Variants in TRIM34 observed in about 807,000 individuals in gnomAD.
TRIM34 encodes E3 ubiquitin-protein ligase TRIM34.
TRIM34 carries 41 observed loss-of-function variants against 38.1 expected under a neutral mutation model. That is an observed-to-expected ratio of 1.08 (90% CI 0.84 to 1.40). The LOEUF is 1.40. TRIM34 is among the 40% of genes most tolerant of loss of function. The probability of loss-of-function intolerance (pLI) is 0.00; values close to 1 mark genes in which losing one functional copy is unlikely to be tolerated. For synonymous variants in TRIM34, 200 were observed against 202.5 expected, an observed-to-expected ratio of 0.99 and a Z score of 0.10; for missense variants, 556 against 571.4, an observed-to-expected ratio of 0.97 and a Z score of 0.27.
intron 3 of TRIM34, 77 bp downstream of exon 3, chr11:5,633,976 A>G (rs532609450): frequency 1.4e-6 from 2 of 1,468,292 alleles, no homozygotes; most frequent in Non-Finnish European, 1.9e-6. Context: ...CGTCCTTTTT[A>G]TTCCTTGACA....
At chr11:5,627,570 T>C (rs1480899701) in intron 1 of TRIM34, among the ~76,000 whole-genome samples, 1 of 152,206 alleles carries the variant, frequency 6.6e-6, no homozygotes. Context: ...ATGAAAATGA[T>C]TCTATGTTAA....
chr11:5,628,446 A>T (rs143230462), intron 1 of TRIM34, among the ~76,000 whole-genome samples: 133 of 152,274 alleles, frequency 8.7e-4, no homozygotes, highest in African/African-American at 2.6e-3. Flanking sequence ...CTACCAGTAT[A>T]TCTCTTTTGT....
chr11:5,629,783 C>T (rs1388909515), intron 1 of TRIM34, among the ~76,000 whole-genome samples: 1 of 152,206 alleles, frequency 6.6e-6, no homozygotes, highest in African/African-American at 2.4e-5. Flanking sequence ...TCTCGGCTCA[C>T]TGGAAGCTCT....
intron 1 of TRIM34, among the ~76,000 whole-genome samples, chr11:5,625,471 A>AGTT (rs1209255251): frequency 2.0e-5 from 3 of 152,054 alleles, no homozygotes; most frequent in South Asian, 2.1e-4. Flanking sequence ...TGGTGAAAGG[A>AGTT]GGTCTCTGTT....
intron 4 of TRIM34, among the ~76,000 whole-genome samples, chr11:5,635,766 A>T (rs1361258732): frequency 6.6e-6 from 1 of 152,114 alleles, no homozygotes; most frequent in Admixed American, 6.5e-5. Flanking sequence ...AGCTTTTTTT[A>T]AATTCCTTTT....
chr11:5,629,547 C>T (rs865895978), intron 1 of TRIM34, among the ~76,000 whole-genome samples: 1 of 152,148 alleles, frequency 6.6e-6, no homozygotes, highest in Admixed American at 6.5e-5. Flanking sequence ...TATCATCATG[C>T]CACTACTCTG....
chr11:5,622,296 T>A (rs1849015656), upstream of TRIM34, among the ~76,000 whole-genome samples: 1 of 151,912 alleles, frequency 6.6e-6, no homozygotes, highest in African/African-American at 2.4e-5. Context: ...ATACAAAAAA[T>A]TAGCCGGGCG....
intron 1 of TRIM34, among the ~76,000 whole-genome samples, chr11:5,631,332 T>C (rs968880330): frequency 2.6e-5 from 4 of 152,238 alleles, no homozygotes; most frequent in Admixed American, 6.5e-5. Flanking sequence ...TTTCTTTGTT[T>C]AAATAAGTGG....
At chr11:5,639,142 A>C (rs1452940724) in intron 4 of TRIM34, among the ~76,000 whole-genome samples, 1 of 152,130 alleles carries the variant, frequency 6.6e-6, no homozygotes, top group Non-Finnish European at 1.5e-5. Context: ...AAACCCAGGC[A>C]GGGTCTTTAA....
In TRIM34 at chr11:5,643,577, A is replaced by G; in HGVS notation, c.1335A>G (p.Ser445=). 6.2e-7 allele frequency: 1 copy of G among 1,613,928 alleles called. No homozygotes were observed. Among genetic ancestry groups the G allele is most frequent in the Non-Finnish European group, 8.5e-7 (1 of 1,179,968 alleles). The change falls in exon 8 of 8, where the codon TCA becomes TCG. Residue 445 remains serine, a synonymous_variant. Coordinates refer to ENST00000429814, the MANE Select transcript of TRIM34 (RefSeq NM_021616.6). The part of the protein sequence containing the change: ...VFLDYEAGIV[S]FFNVTSHGSL... The stretch of plus-strand genomic sequence containing the variant: ...TCGACTATGAAGCAGGCATTGTCTC[A>G]TTTTTCAATGTCACAAGCCATGGCT...
At chr11:5,641,977 C>T (rs746694885) in intron 5 of TRIM34, among the ~76,000 whole-genome samples, 20 of 152,292 alleles carry the variant, frequency 1.3e-4, no homozygotes, top group Admixed American at 5.9e-4. Context: ...AGCCCCGTAT[C>T]ACAGTCAGGA....
Position 5,633,800 on chromosome 11 carries a change from A to G in TRIM34, c.424-4A>G. The stretch of plus-strand genomic sequence containing the variant: ...TTGACTGTAGTGTGATTCCCTTCTC[A>G]TAGGAGAAACTCCAGGCAGTCCTCA... On this transcript the variant is annotated splice_polypyrimidine_tract_variant and splice_region_variant and intron_variant, in intron 2 of 7. Coordinates refer to ENST00000429814, the MANE Select transcript of TRIM34 (RefSeq NM_021616.6). The G allele has an allele frequency of 6.2e-7, 1 of 1,613,344 alleles. No homozygotes were observed.
At chr11:5,629,110 C>G (rs926435785) in intron 1 of TRIM34, among the ~76,000 whole-genome samples, 2 of 152,088 alleles carry the variant, frequency 1.3e-5, no homozygotes, top group Non-Finnish European at 2.9e-5. Context: ...AACCCCGTCT[C>G]TACTAAAAAT....
chr11:5,634,959 C>T, intron 4 of TRIM34, 98 bp downstream of exon 4: 1 of 1,318,150 alleles, frequency 7.6e-7, no homozygotes, highest in Non-Finnish European at 1.0e-6. Context: ...TTTCTTTGGC[C>T]TTGCAGTGCC....
upstream of TRIM34, among the ~76,000 whole-genome samples, chr11:5,622,870 GACA>G (rs1265640544): frequency 1.3e-5 from 2 of 152,352 alleles, no homozygotes; most frequent in East Asian, 1.9e-4. Flanking sequence ...AGGAGGTCCT[GACA>G]ACATGTACCC....
intron 2 of TRIM34, 140 bp from the exon 3 acceptor site, chr11:5,633,664 G>A (rs990918186): frequency 2.1e-5 from 16 of 757,750 alleles, no homozygotes; most frequent in Non-Finnish European, 3.0e-5. Flanking sequence ...TTTTCCCCAT[G>A]TCATAGATTC....
intron 1 of TRIM34, 109 bp from the exon 2 acceptor site, chr11:5,632,146 A>T: frequency 6.8e-7 from 1 of 1,459,892 alleles, no homozygotes; most frequent in South Asian, 1.5e-5. Context: ...TCTCTTCCTC[A>T]TCTTCTTTGT....
At chr11:5,620,480 A>C (rs11038373), upstream of TRIM34, among the ~76,000 whole-genome samples, 43,784 of 151,536 alleles carry the variant, frequency 0.29, 6,366 homozygotes, top group East Asian at 0.3. Flanking sequence ...GGATTACAGG[A>C]GTGAGCCACT....
At chr11:5,640,450 T>C (rs1038973590) in intron 4 of TRIM34, among the ~76,000 whole-genome samples, 1 of 152,132 alleles carries the variant, frequency 6.6e-6, no homozygotes, top group Non-Finnish European at 1.5e-5. Flanking sequence ...TGATTTTTTT[T>C]TATGTTGAAC....
Sources: gnomAD v4.1 joint callset for allele counts (sites outside exome capture counted in the v4.1 genomes callset) on GRCh38, gnomAD v4.1.1 for gene constraint, MANE v1.5 for transcripts, NCBI Gene and HGNC (gene_info 2026-07-23, HGNC 2026-07-21) for gene names.